The following PRMT8 variants were observed in gnomAD, a reference collection of about 807,000 sequenced individuals.
PRMT8 encodes protein arginine methyltransferase 8, also known as protein arginine N-methyltransferase 8.
Under a neutral mutation model 47.1 loss-of-function variants are expected in PRMT8, and 7 were observed. The ratio of observed to expected loss-of-function variants is 0.15; its 90% CI spans 0.08 to 0.28. PRMT8 has a LOEUF of 0.28. Among genes scored for constraint, PRMT8 ranks in the 10% least tolerant of loss-of-function variants. The pLI, the probability that PRMT8 is intolerant of heterozygous loss-of-function variation, is 1.00. For missense variants in PRMT8, 237 were observed against 505.4 expected, an observed-to-expected ratio of 0.47 and a Z score of 5.09; for synonymous variants, 188 against 186.5, an observed-to-expected ratio of 1.01 and a Z score of -0.07.
intron 4 of PRMT8, among the ~76,000 whole-genome samples, chr12:3,562,708 G>A (rs564979354): frequency 3.3e-4 from 51 of 152,266 alleles, no homozygotes; most frequent in Admixed American, 9.2e-4. Context: ...TTTACACCAC[G>A]GACATTGGCG....
chr12:3,539,634 G>A (rs1866183941), intron 1 of PRMT8, among the ~76,000 whole-genome samples: 1 of 152,160 alleles, frequency 6.6e-6, no homozygotes, highest in Non-Finnish European at 1.5e-5. Context: ...GAGCTTCTGG[G>A]CTCCAATTGC....
chr12:3,543,129 A>G (rs1017677237), intron 2 of PRMT8, among the ~76,000 whole-genome samples: 2 of 152,230 alleles, frequency 1.3e-5, no homozygotes, highest in African/African-American at 4.8e-5. Flanking sequence ...GAGAGTGCTT[A>G]GCAGCCTTCC....
At chr12:3,452,182 G>A (rs1437476128) in intron 1 of PRMT8, among the ~76,000 whole-genome samples, 2 of 152,158 alleles carry the variant, frequency 1.3e-5, no homozygotes, top group South Asian at 2.1e-4. Context: ...GGTGGGAAGA[G>A]GGAGAGGACC....
intron 1 of PRMT8, among the ~76,000 whole-genome samples, chr12:3,442,683 G>A (rs1864815647): frequency 6.6e-6 from 1 of 152,128 alleles, no homozygotes; most frequent in South Asian, 2.1e-4. Flanking sequence ...TTTTCAGATA[G>A]AGTCTCACTC....
chr12:3,433,673 G>A (rs1420076738), intron 1 of PRMT8, among the ~76,000 whole-genome samples: 3 of 152,028 alleles, frequency 2.0e-5, no homozygotes, highest in East Asian at 1.9e-4. Context: ...GTGCAGTGGC[G>A]CGATCTCGGC....
chr12:3,391,318 T>C (rs1864190776), intron 1 of PRMT8, among the ~76,000 whole-genome samples: 1 of 152,198 alleles, frequency 6.6e-6, no homozygotes, highest in Non-Finnish European at 1.5e-5. Context: ...GGAAGGTAGA[T>C]ATGAAGGATC....
At chr12:3,590,892 T>A (rs1387911179) in intron 8 of PRMT8, among the ~76,000 whole-genome samples, 1 of 152,102 alleles carries the variant, frequency 6.6e-6, no homozygotes, top group Non-Finnish European at 1.5e-5. Context: ...GCTGGCCCGG[T>A]CCCTGCCCTC....
chr12:3,452,004 A>G (rs1864923818), intron 1 of PRMT8, among the ~76,000 whole-genome samples: 1 of 152,194 alleles, frequency 6.6e-6, no homozygotes, highest in Admixed American at 6.5e-5. Context: ...TTAGGATGAA[A>G]AACGCCTCCC....
Position 3,552,866 on chromosome 12 carries a change from A to G in PRMT8, c.418-785A>G. 1 of 438,866 alleles carries G rather than the reference A, an allele frequency of 2.3e-6. No individual in the cohort carries two copies. The highest frequency in any genetic ancestry group is 2.5e-5 in the Admixed American group (1 of 40,294). The allele number at this position is 438,866 out of a possible 1,614,324, so 27.2% of individuals were successfully genotyped here. A position where few individuals can be genotyped will look rare whatever the true frequency, so the allele number is the denominator to read the frequency against. On this transcript the variant is annotated intron_variant, in intron 3 of 9. Transcript: ENST00000382622. This position sits in a 1 kb window ranked among gnomAD's most constrained non-coding sequence, Gnocchi z 4.5. ...AGAGCCCAGGGCCTTAGCACAGGCC[A>G]GCCTCTGTAAGAGAGCCGGCTCCGG...
chr12:3,389,333 T>A (rs993928948), intron 1 of PRMT8, among the ~76,000 whole-genome samples: 9 of 152,170 alleles, frequency 5.9e-5, no homozygotes, highest in Non-Finnish European at 1.3e-4. Flanking sequence ...ACAGATTCCA[T>A]GCTTATCGCG....
At chr12:3,404,994 C>T (rs1864357995) in intron 1 of PRMT8, among the ~76,000 whole-genome samples, 2 of 152,096 alleles carry the variant, frequency 1.3e-5, no homozygotes, top group Non-Finnish European at 2.9e-5. Context: ...GATATCTTTT[C>T]CACTTTTTGA....
intron 1 of PRMT8, among the ~76,000 whole-genome samples, chr12:3,427,574 T>C (rs1333372572): frequency 3.3e-5 from 5 of 152,086 alleles, no homozygotes; most frequent in Non-Finnish European, 5.9e-5. Context: ...TTTACTTTCC[T>C]TACACACCTT....
At chr12:3,440,881 T>C (rs919318333) in intron 1 of PRMT8, among the ~76,000 whole-genome samples, 1 of 152,186 alleles carries the variant, frequency 6.6e-6, no homozygotes, top group African/African-American at 2.4e-5. Flanking sequence ...ACAATGACGA[T>C]CTAATTGGAT....
At chr12:3,591,940 A>T (rs1271865679) in intron 8 of PRMT8, among the ~76,000 whole-genome samples, 2 of 152,174 alleles carry the variant, frequency 1.3e-5, no homozygotes. Flanking sequence ...TTCCTCATCC[A>T]TCCCTTGCTA....
Position 3,540,633 on chromosome 12 carries a change from C to CCCCCCCCCCG in PRMT8, c.103_104insCCCCCCCCCG (p.Gln35ProfsTer10). ...GAACAGCCCCCCCTCCCAGCCCCCC[C>CCCCCCCCCCG]AGCCCGTCGTCCCTGCTAAGCCCGT... On this transcript the variant is annotated frameshift_variant, in exon 2 of 10. Coordinates refer to ENST00000382622, the MANE Select transcript of PRMT8 (RefSeq NM_019854.5). LOFTEE classifies it high-confidence loss of function. The CCCCCCCCCCG allele has an allele frequency of 6.4e-7, 1 of 1,553,202 alleles. No individual in the cohort carries two copies. The highest frequency in any genetic ancestry group is 8.9e-7 in the Non-Finnish European group (1 of 1,127,234).
chr12:3,459,962 G>A (rs560957815), intron 1 of PRMT8, among the ~76,000 whole-genome samples: 33 of 152,280 alleles, frequency 2.2e-4, no homozygotes, highest in African/African-American at 7.7e-4. Context: ...TTACGTTCAC[G>A]TCAAACCCTA....
At chr12:3,577,114 G>A (rs1176103686) in intron 7 of PRMT8, 128 bp downstream of exon 7, 2 of 742,532 alleles carry the variant, frequency 2.7e-6, no homozygotes, top group East Asian at 5.1e-5. Flanking sequence ...GCCAGAGCCT[G>A]TGATGCTCCC....
At chr12:3,510,574 A>G (rs996607923) in intron 1 of PRMT8, among the ~76,000 whole-genome samples, 5 of 152,200 alleles carry the variant, frequency 3.3e-5, no homozygotes, top group Admixed American at 1.3e-4. Context: ...AATTTTAAAA[A>G]TAGATCAAAA....
At chr12:3,523,078 T>A (rs1309273191) in intron 1 of PRMT8, among the ~76,000 whole-genome samples, 1 of 152,116 alleles carries the variant, frequency 6.6e-6, no homozygotes, top group Admixed American at 6.5e-5. Flanking sequence ...TAAAGTTCAA[T>A]GCCTGCCAAG....
Sources: allele counts gnomAD v4.1 joint callset (sites outside exome capture counted in the v4.1 genomes callset), GRCh38; gene constraint gnomAD v4.1.1; non-coding constraint Gnocchi (gnomAD v3.1); transcripts MANE v1.5; gene names NCBI Gene and HGNC (gene_info 2026-07-23, HGNC 2026-07-21).